Variants in FAT3 observed in about 807,000 individuals in gnomAD.
The protein encoded by FAT3 is FAT atypical cadherin 3, also known as protocadherin Fat 3.
FAT3 carries 95 observed loss-of-function variants against 310.2 expected under a neutral mutation model. The ratio of observed to expected loss-of-function variants is 0.31; its 90% CI spans 0.26 to 0.36. The LOEUF is 0.36. FAT3 is among the 10% of genes least tolerant of loss of function. The pLI, the probability that FAT3 is intolerant of heterozygous loss-of-function variation, is 1.00. For missense variants in FAT3, 5,408 were observed against 5,715.6 expected (o/e 0.95, Z 1.74); for synonymous variants, 2,314 against 2,192.9 (o/e 1.06, Z -1.54).
intron 14 of FAT3, 118 bp downstream of exon 14, chr11:92,832,129 A>C (rs1167823967): frequency 7.0e-6 from 8 of 1,149,232 alleles, no homozygotes; most frequent in Non-Finnish European, 9.6e-6. Context: ...CCAGGAGTTC[A>C]GGACTAGCCT....
At chr11:92,528,185 G>A (rs949366988) in intron 3 of FAT3, among the ~76,000 whole-genome samples, 4 of 152,148 alleles carry the variant, frequency 2.6e-5, no homozygotes, top group African/African-American at 4.8e-5. Flanking sequence ...CTAGAATCAC[G>A]TAGAATCAGT....
At chr11:92,599,476 G>A (rs929710859) in intron 3 of FAT3, among the ~76,000 whole-genome samples, 4 of 152,142 alleles carry the variant, frequency 2.6e-5, no homozygotes, top group African/African-American at 7.2e-5. Context: ...AGTTCAAGAC[G>A]ACATTTAGGC....
chr11:92,777,536 CA>C (rs1454854803), intron 7 of FAT3, among the ~76,000 whole-genome samples: 1 of 152,110 alleles, frequency 6.6e-6, no homozygotes, highest in Non-Finnish European at 1.5e-5. Context: ...CCAACACTGA[CA>C]AAAACCTCCT....
intron 3 of FAT3, among the ~76,000 whole-genome samples, chr11:92,690,417 A>G (rs1943766058): frequency 6.6e-6 from 1 of 152,218 alleles, no homozygotes; most frequent in South Asian, 2.1e-4. Flanking sequence ...ACTTTTCTTA[A>G]GAAAATTTAA....
At chr11:92,483,679 A>G (rs1419891460) in intron 2 of FAT3, among the ~76,000 whole-genome samples, 2 of 151,818 alleles carry the variant, frequency 1.3e-5, no homozygotes, top group Non-Finnish European at 2.9e-5. Flanking sequence ...GCACTGCCAA[A>G]CACATCATAT....
intron 6 of FAT3, 58 bp downstream of exon 6, chr11:92,765,147 A>AT (rs1946270300): frequency 3.6e-6 from 4 of 1,116,504 alleles, no homozygotes; most frequent in African/African-American, 2.0e-5. Flanking sequence ...TGAAGCAACT[A>AT]GGAAAAAAAA....
chr11:92,796,228 G>A (rs1459938186), intron 9 of FAT3, among the ~76,000 whole-genome samples: 2 of 152,172 alleles, frequency 1.3e-5, no homozygotes, highest in South Asian at 2.1e-4. Context: ...AAGCTTGAAC[G>A]TTTACTCATA....
intron 6 of FAT3, among the ~76,000 whole-genome samples, chr11:92,769,320 T>C (rs1261129859): frequency 6.6e-6 from 1 of 152,240 alleles, no homozygotes; most frequent in Non-Finnish European, 1.5e-5. Flanking sequence ...ACGCACAGCA[T>C]GTTCCTTCTC....
chr11:92,843,867 G>A, intron 18 of FAT3, 67 bp from the exon 19 acceptor site: 1 of 1,443,744 alleles, frequency 6.9e-7, no homozygotes, highest in South Asian at 1.4e-5. Flanking sequence ...TCTATCTGCG[G>A]GTTTTTAAAA....
chr11:92,764,437 A>G (rs529771681), intron 5 of FAT3, among the ~76,000 whole-genome samples: 1 of 152,262 alleles, frequency 6.6e-6, no homozygotes, highest in Middle Eastern at 3.4e-3. Context: ...ATACACATGC[A>G]CACACACACT....
chr11:92,760,783 CTA>C (rs1946129012), intron 4 of FAT3, among the ~76,000 whole-genome samples: 1 of 152,182 alleles, frequency 6.6e-6, no homozygotes, highest in Admixed American at 6.5e-5. Context: ...CTGATTATCA[CTA>C]TGACTAATAA....
At chr11:92,754,963 A>G (rs538739218) in intron 4 of FAT3, among the ~76,000 whole-genome samples, 1 of 152,322 alleles carries the variant, frequency 6.6e-6, no homozygotes, top group East Asian at 1.9e-4. Context: ...TCAAATAGAA[A>G]GATAAATGCC....
At position 92,880,845 on chromosome 11, in the gene FAT3, C is replaced by G. The variant is rs1949657217; in HGVS notation, c.12242C>G (p.Thr4081Ser). 1.9e-6 allele frequency: 3 copies of G among 1,613,856 alleles called. No individual in the cohort carries two copies. The African/African-American group carries it at 4.0e-5, about 22-fold the overall frequency. Residue 4081 changes from threonine (T) to serine (S), a missense_variant, in exon 23 of 28, where the codon ACT (threonine) becomes AGT (serine). Coordinates refer to ENST00000525166, the MANE Select transcript of FAT3 (RefSeq NM_001367949.2). ...NGGSCDPIGN[T>S]FICNCKAGLT... is the part of the protein sequence containing the mutation. ...GGATCCTGCGATCCAATAGGAAACA[C>G]TTTCATCTGCAATTGTAAAGCTGGG...
intron 2 of FAT3, among the ~76,000 whole-genome samples, chr11:92,493,817 A>T (rs571789727): frequency 6.6e-6 from 1 of 152,044 alleles, no homozygotes; most frequent in East Asian, 1.9e-4. Context: ...TTGATGGCTC[A>T]AACTTCATTC....
chr11:92,760,218 G>A (rs1420718273), intron 4 of FAT3, among the ~76,000 whole-genome samples: 2 of 152,224 alleles, frequency 1.3e-5, no homozygotes, highest in South Asian at 2.1e-4. Flanking sequence ...TTCAAAGAAA[G>A]CGAGAACTTG....
chr11:92,447,712 C>T (rs943857982), intron 2 of FAT3, among the ~76,000 whole-genome samples: 3 of 152,056 alleles, frequency 2.0e-5, no homozygotes, highest in African/African-American at 7.3e-5. Context: ...GCAAGACCAC[C>T]TACTGCTGTG....
chr11:92,458,503 C>T (rs1288896140), intron 2 of FAT3, among the ~76,000 whole-genome samples: 1 of 152,152 alleles, frequency 6.6e-6, no homozygotes, highest in Non-Finnish European at 1.5e-5. Flanking sequence ...AGCTTGTTTT[C>T]TGTAATTTGC....
chr11:92,248,177 C>G (rs1864999221), intron 1 of FAT3, among the ~76,000 whole-genome samples: 1 of 151,976 alleles, frequency 6.6e-6, no homozygotes, highest in Admixed American at 6.6e-5. Context: ...TTTCTTTCAC[C>G]CACAGAAAAG....
At chr11:92,243,575 A>T (rs1345912734) in intron 1 of FAT3, among the ~76,000 whole-genome samples, 1 of 152,050 alleles carries the variant, frequency 6.6e-6, no homozygotes. Context: ...ATCCTGCCAA[A>T]TTTATTGTTC....
Sources: gnomAD v4.1 joint callset for allele counts (sites outside exome capture counted in the v4.1 genomes callset) on GRCh38, gnomAD v4.1.1 for gene constraint, MANE v1.5 for transcripts, NCBI Gene and HGNC (gene_info 2026-07-23, HGNC 2026-07-21) for gene names.